CSMD1: variants seen among roughly 807,000 people sequenced by gnomAD.
The protein encoded by CSMD1 is CUB and sushi domain-containing protein 1.
CSMD1 carries 213 observed loss-of-function variants against 417.5 expected under a neutral mutation model. That is an observed-to-expected ratio of 0.51 (90% CI 0.46 to 0.57). The LOEUF (loss-of-function observed/expected upper bound fraction) is 0.57, where lower values mean the gene tolerates loss of function less well. Ranked by LOEUF, CSMD1 falls within the 20% of genes least tolerant of loss-of-function variation. The pLI is 0.00. For missense variants in CSMD1, 6,923 were observed against 4,529.7 expected (o/e 1.53, Z -15.17); for synonymous variants, 2,862 against 1,736.8 (o/e 1.65, Z -16.11).
At chr8:4,293,246 G>C (rs1797472120) in intron 3 of CSMD1, among the ~76,000 whole-genome samples, 1 of 152,170 alleles carries the variant, frequency 6.6e-6, no homozygotes, top group Admixed American at 6.5e-5. Context: ...CAAGGGCACA[G>C]AGTCGTGGAG....
At chr8:3,469,880 A>C (rs1371590102) in intron 11 of CSMD1, among the ~76,000 whole-genome samples, 1 of 152,108 alleles carries the variant, frequency 6.6e-6, no homozygotes, top group Non-Finnish European at 1.5e-5. Context: ...CTAAATATGT[A>C]TTTCTTTCTG....
intron 2 of CSMD1, among the ~76,000 whole-genome samples, chr8:4,459,242 C>G (rs567024117): frequency 9.2e-5 from 14 of 152,326 alleles, no homozygotes; most frequent in African/African-American, 3.4e-4. Context: ...GGAGGCTCAA[C>G]TCCAGAATAA....
chr8:4,435,917 T>C (rs1310355223), intron 2 of CSMD1, among the ~76,000 whole-genome samples: 3 of 152,136 alleles, frequency 2.0e-5, no homozygotes, highest in Non-Finnish European at 4.4e-5. Flanking sequence ...TGACGGAAAA[T>C]AATTAGAATT....
chr8:4,230,507 C>T (rs974471277), intron 3 of CSMD1, among the ~76,000 whole-genome samples: 6 of 152,112 alleles, frequency 3.9e-5, no homozygotes, highest in Admixed American at 6.5e-5. Context: ...TGGTTACTGT[C>T]CTTTCCCACA....
chr8:3,150,487 T>C (rs1004899170), intron 40 of CSMD1, among the ~76,000 whole-genome samples: 1 of 152,226 alleles, frequency 6.6e-6, no homozygotes. Context: ...CTCCTACTGC[T>C]ACTGCCATCC....
chr8:4,640,392 C>T (rs1325338453), intron 1 of CSMD1, among the ~76,000 whole-genome samples: 2 of 152,172 alleles, frequency 1.3e-5, no homozygotes, highest in Non-Finnish European at 2.9e-5. Flanking sequence ...TATAAAGCCA[C>T]CGTGATTAAA....
chr8:3,031,092 C>T (rs1368856611), intron 50 of CSMD1, among the ~76,000 whole-genome samples: 1 of 151,730 alleles, frequency 6.6e-6, no homozygotes, highest in Non-Finnish European at 1.5e-5. Flanking sequence ...TTTCTCCAGC[C>T]AAAATACTCT....
chr8:3,754,104 C>CA (rs1325497281), intron 5 of CSMD1, 62 bp from the exon 6 acceptor site: 1 of 1,051,678 alleles, frequency 9.5e-7, no homozygotes, highest in East Asian at 2.5e-5. Context: ...TGTCCTATAT[C>CA]AAACCCGCTT....
At chr8:4,086,655 C>G (rs975751282) in intron 3 of CSMD1, among the ~76,000 whole-genome samples, 1 of 152,200 alleles carries the variant, frequency 6.6e-6, no homozygotes, top group Admixed American at 6.5e-5. Context: ...CGATTTCATT[C>G]TTTCTCATTC....
At chr8:4,362,851 C>G (rs548816997) in intron 3 of CSMD1, among the ~76,000 whole-genome samples, 1 of 152,230 alleles carries the variant, frequency 6.6e-6, no homozygotes, top group South Asian at 2.1e-4. Flanking sequence ...CATTGGTTAT[C>G]AGGGTCTCTA....
At chr8:3,785,799 G>A (rs1487644491) in intron 5 of CSMD1, among the ~76,000 whole-genome samples, 3 of 152,202 alleles carry the variant, frequency 2.0e-5, no homozygotes, top group Non-Finnish European at 4.4e-5. Flanking sequence ...GGTCCAGGCT[G>A]CGGAAGAGCT....
intron 3 of CSMD1, among the ~76,000 whole-genome samples, chr8:4,167,251 G>T (rs1376896693): frequency 6.6e-6 from 1 of 152,142 alleles, no homozygotes. Flanking sequence ...CTTCGAAGGT[G>T]AGAAAAACAG....
At chr8:3,464,577 TA>T (rs1306630362) in intron 12 of CSMD1, among the ~76,000 whole-genome samples, 1 of 149,824 alleles carries the variant, frequency 6.7e-6, no homozygotes, top group Non-Finnish European at 1.5e-5. Context: ...ATATGATTTA[TA>T]AATATATAAA....
chr8:4,263,546 T>C (rs1585121308), intron 3 of CSMD1, among the ~76,000 whole-genome samples: 2 of 152,304 alleles, frequency 1.3e-5, no homozygotes, highest in South Asian at 4.1e-4. Context: ...GCTACTTTGA[T>C]GTCTTTCTTG....
At chr8:4,208,721 C>T (rs555042822) in intron 3 of CSMD1, among the ~76,000 whole-genome samples, 1 of 152,058 alleles carries the variant, frequency 6.6e-6, no homozygotes, top group South Asian at 2.1e-4. Context: ...AGAATTAAGG[C>T]AATAAAAAGC....
chr8:3,786,198 G>C (rs76101838), intron 5 of CSMD1, among the ~76,000 whole-genome samples: 15,819 of 152,134 alleles, frequency 0.1, 931 homozygotes, highest in African/African-American at 0.14. Flanking sequence ...GATCTCCCCT[G>C]TTATTTTGGG....
At chr8:3,365,558 G>A (rs1165745695) in intron 20 of CSMD1, among the ~76,000 whole-genome samples, 1 of 152,150 alleles carries the variant, frequency 6.6e-6, no homozygotes, top group South Asian at 2.1e-4. Flanking sequence ...TTGGAGATTT[G>A]CTACAACTTA....
At chr8:3,751,741 T>C (rs1405923489) in intron 6 of CSMD1, among the ~76,000 whole-genome samples, 1 of 152,096 alleles carries the variant, frequency 6.6e-6, no homozygotes, top group Non-Finnish European at 1.5e-5. Flanking sequence ...AGCTTCAAAG[T>C]TGATATTCCA....
intron 5 of CSMD1, among the ~76,000 whole-genome samples, chr8:3,987,750 A>G (rs1265254541): frequency 1.3e-5 from 2 of 152,200 alleles, no homozygotes; most frequent in African/African-American, 2.4e-5. Context: ...TGGAATGTAA[A>G]TATTGACAGG....
Sources: gnomAD v4.1 joint callset for allele counts (sites outside exome capture counted in the v4.1 genomes callset) on GRCh38, gnomAD v4.1.1 for gene constraint, MANE v1.5 for transcripts, NCBI Gene and HGNC (gene_info 2026-07-23, HGNC 2026-07-21) for gene names.